Variants in PRR14L observed in about 807,000 individuals in gnomAD.
PRR14L encodes protein PRR14L.
PRR14L carries 80 observed loss-of-function variants against 155.0 expected under a neutral mutation model. The observed-to-expected ratio is 0.52, with a 90% CI of 0.43 to 0.62. The LOEUF (loss-of-function observed/expected upper bound fraction) is 0.62. Ranked by LOEUF, PRR14L falls within the 20% of genes least tolerant of loss-of-function variation. The pLI is 0.00. For missense variants in PRR14L, 2,469 were observed against 2,548.0 expected (o/e 0.97, Z 0.67); for synonymous variants, 883 against 916.0 (o/e 0.96, Z 0.65).
At chr22:31,724,549 T>G (rs1165011142) in intron 3 of PRR14L, among the ~76,000 whole-genome samples, 1 of 152,040 alleles carries the variant, frequency 6.6e-6, no homozygotes, top group African/African-American at 2.4e-5. Flanking sequence ...CACAGGTGTG[T>G]GTGCTGCCAT....
chr22:31,735,866 T>C (rs1443999494), intron 2 of PRR14L, among the ~76,000 whole-genome samples: 2 of 151,890 alleles, frequency 1.3e-5, no homozygotes, highest in African/African-American at 4.8e-5. Flanking sequence ...CTGACCAACA[T>C]GGTGAAACCC....
intron 2 of PRR14L, among the ~76,000 whole-genome samples, chr22:31,731,481 T>C (rs962458016): frequency 6.8e-6 from 1 of 147,060 alleles, no homozygotes; most frequent in African/African-American, 2.5e-5. Flanking sequence ...GGCAGGAGAA[T>C]TGCTTGAACC....
rs1353626087 is a variant in PRR14L, at chr22:31,683,413, A to G, written c.*2114T>C. 2 of 152,258 alleles carry G rather than the reference A, an allele frequency of 1.3e-5. No homozygotes were observed. Among genetic ancestry groups the G allele is most frequent in the Non-Finnish European group, 2.9e-5 (2 of 68,064 alleles). The allele number at this position is 152,258 out of a possible 1,614,324, so 9.4% of individuals were successfully genotyped here. ...CCTTAAACATGCCTGGACAAGGGCAAAATGTACTACTCATCCCACTCCCTT... is the reference window on the plus strand; with the variant it reads ...CCTTAAACATGCCTGGACAAGGGCAGAATGTACTACTCATCCCACTCCCTT... On this transcript the variant is annotated 3_prime_UTR_variant, in exon 9 of 9. Coordinates refer to ENST00000327423, the MANE Select transcript of PRR14L (RefSeq NM_173566.3).
intron 8 of PRR14L, among the ~76,000 whole-genome samples, chr22:31,686,250 C>A (rs2074481887): frequency 1.3e-5 from 2 of 151,478 alleles, no homozygotes; most frequent in Non-Finnish European, 2.9e-5. Flanking sequence ...AGGTGCCCAC[C>A]ACCACGCCCG....
At chr22:31,722,795 G>C (rs895940570) in intron 3 of PRR14L, among the ~76,000 whole-genome samples, 2 of 152,134 alleles carry the variant, frequency 1.3e-5, no homozygotes, top group African/African-American at 4.8e-5. Flanking sequence ...GCCTCCCAAA[G>C]TGCTGGGATT....
intron 7 of PRR14L, among the ~76,000 whole-genome samples, chr22:31,701,253 G>T (rs571413384): frequency 6.6e-6 from 1 of 152,304 alleles, no homozygotes; most frequent in South Asian, 2.1e-4. Flanking sequence ...CTCCCAAAGT[G>T]CTGGGGTTAC....
chr22:31,716,782 C>G lies in PRR14L; in HGVS notation c.1057G>C (p.Glu353Gln), dbSNP rs2074662817. The G allele has an allele frequency of 6.4e-6, 10 of 1,551,836 alleles. No individual in the cohort carries two copies. Among genetic ancestry groups the G allele is most frequent in the Non-Finnish European group, 7.8e-6 (9 of 1,147,026 alleles). The change falls in exon 4 of 9, where the codon GAA (glutamate) becomes CAA (glutamine). Residue 353 changes from glutamate to glutamine, a missense_variant. Transcript: ENST00000327423. ...TTTTCTAAGGATATTGTTCTGGATTCTGGACCAGACAAGTCTGATGTGAAA... is the reference window on the plus strand; with the variant it reads ...TTTTCTAAGGATATTGTTCTGGATTGTGGACCAGACAAGTCTGATGTGAAA... ...SCFTSDLSGP[E>Q]SRTISLENCG...
At chr22:31,709,525 C>T (rs1056853370) in intron 4 of PRR14L, among the ~76,000 whole-genome samples, 33 of 148,240 alleles carry the variant, frequency 2.2e-4, no homozygotes, top group Non-Finnish European at 3.7e-4. Flanking sequence ...CACCCAGACG[C>T]CTGTGGGGTT....
chr22:31,738,702 T>C lies in PRR14L; in HGVS notation c.159A>G (p.Ser53=), dbSNP rs1309322080. The C allele has an allele frequency of 1.3e-6, 2 of 1,551,882 alleles. No homozygotes were observed. The highest frequency in any genetic ancestry group is 1.7e-6 in the Non-Finnish European group (2 of 1,147,028). The change falls in exon 2 of 9, where the codon TCA becomes TCG. Residue 53 remains serine, a synonymous_variant. Coordinates refer to ENST00000327423, the MANE Select transcript of PRR14L (RefSeq NM_173566.3). ...SVIPDVKPGA[S]SSLLSQNRAL... ...CCCTATTCTGACTTAAAAGAGAGCT[T>C]GAGGCTCCAGGTTTTACATCTGGAA...
rs200279673 is a variant in PRR14L, at chr22:31,703,714, G to C, written c.5836C>G (p.Pro1946Ala). ...NTSGSQTRLE[P>A]PFPALVPKSC... is the part of the protein sequence containing the mutation. ...TTTGGTACCAAGGCAGGGAATGGAG[G>C]CTCCAGCCTAGCACCATGAAGAGAA... is the stretch of plus-strand genomic sequence containing the variant. The change falls in exon 6 of 9, where the codon CCT becomes GCT. Residue 1946 changes from proline to alanine, a missense_variant. Physicochemically the swap from Pro to Ala is conservative, Grantham distance 27 (BLOSUM62 -1). Coordinates refer to ENST00000327423, the MANE Select transcript of PRR14L (RefSeq NM_173566.3). The C allele has an allele frequency of 1.3e-5, 20 of 1,585,374 alleles. No homozygotes were observed. The highest frequency in any genetic ancestry group is 1.5e-5 in the Non-Finnish European group (17 of 1,164,828).
In PRR14L at chr22:31,716,790, G is replaced by C. The variant is rs2074662896; in HGVS notation, c.1049C>G (p.Ser350Cys). 6.4e-7 allele frequency: 1 copy of C among 1,551,822 alleles called. No homozygotes were observed. Among genetic ancestry groups the C allele is most frequent in the African/African-American group, 1.4e-5 (1 of 73,162 alleles). ...SEVSCFTSDL[S>C]GPESRTISLE... Reference sequence around the variant, plus strand: ...GGATATTGTTCTGGATTCTGGACCAGACAAGTCTGATGTGAAACATGAAAC... The same window carrying C: ...GGATATTGTTCTGGATTCTGGACCACACAAGTCTGATGTGAAACATGAAAC... Residue 350 changes from serine (S) to cysteine (C), a missense_variant, in exon 4 of 9, where the codon TCT becomes TGT. Physicochemically the swap from Ser to Cys is moderately radical, Grantham distance 112 (BLOSUM62 -1). This residue lies in a region of PRR14L where 2,363 missense variants were observed against 2,371.6 expected (regional missense o/e 1.00). Coordinates refer to ENST00000327423, the MANE Select transcript of PRR14L (RefSeq NM_173566.3).
At position 31,728,839 on chromosome 22, in the gene PRR14L, GA is replaced by G. The variant is rs1340778905; in HGVS notation, c.475-3230del. ...ACCCAGGTGGATCTACCATTATGGG[GA>G]AAAAAATATGTAAAAAGTTTAACAC... On this transcript the variant is annotated intron_variant, in intron 2 of 8. Transcript: ENST00000327423. Among the ~76,000 whole-genome samples the G allele has an allele frequency of 1.1e-4, 17 of 151,986 alleles. No individual in the cohort carries two copies. The East Asian group carries it at 1.2e-3, about 10-fold the overall frequency.
chr22:31,715,030 C>T lies in PRR14L; in HGVS notation c.2809G>A (p.Gly937Ser). 1.9e-6 allele frequency: 3 copies of T among 1,551,918 alleles called. No homozygotes were observed. The highest frequency in any genetic ancestry group is 2.6e-6 in the Non-Finnish European group (3 of 1,146,968). Residue 937 changes from glycine (G) to serine (S), a missense_variant, in exon 4 of 9, where the codon GGT (glycine) becomes AGT (serine). By Grantham distance (56) the Gly-to-Ser change is moderately conservative. Around this residue, in one of 2 missense-constraint regions of PRR14L, gnomAD observed 2,363 missense variants for 2,371.6 expected, o/e 1.00. Coordinates refer to ENST00000327423, the MANE Select transcript of PRR14L (RefSeq NM_173566.3). ...QELNQTVNIPGPEKVLDQSPT... is the reference protein window; with the variant it reads ...QELNQTVNIPSPEKVLDQSPT... ...GACTGGTCCAACACTTTTTCAGGACCTGGAATGTTTACAGTCTGGTTTAGT... is the reference window on the plus strand; with the variant it reads ...GACTGGTCCAACACTTTTTCAGGACTTGGAATGTTTACAGTCTGGTTTAGT...
intron 2 of PRR14L, among the ~76,000 whole-genome samples, chr22:31,736,238 T>C (rs2074780781): frequency 7.1e-6 from 1 of 140,978 alleles, no homozygotes; most frequent in African/African-American, 2.7e-5. Context: ...AAAAAAAAAT[T>C]AGCCGGGTGT....
At chr22:31,717,629 CATT>C (rs1198527534) in intron 3 of PRR14L, among the ~76,000 whole-genome samples, 1 of 152,116 alleles carries the variant, frequency 6.6e-6, no homozygotes, top group Non-Finnish European at 1.5e-5. Context: ...CATTTTAAAA[CATT>C]AATAAAGCAG....
chr22:31,725,184 CAGG>C (rs1269303284), intron 3 of PRR14L, among the ~76,000 whole-genome samples: 2 of 152,102 alleles, frequency 1.3e-5, no homozygotes, highest in Non-Finnish European at 2.9e-5. Context: ...CACTTGAGCC[CAGG>C]AGTTCGAGAC....
At chr22:31,726,642 G>A (rs1194970209) in intron 2 of PRR14L, among the ~76,000 whole-genome samples, 1 of 152,098 alleles carries the variant, frequency 6.6e-6, no homozygotes, top group Non-Finnish European at 1.5e-5. Context: ...CAGTTCTCAG[G>A]CTGAATGTTT....
At position 31,716,297 on chromosome 22, in the gene PRR14L, G is replaced by A; in HGVS notation, c.1542C>T (p.Ser514=). ...GGHSEESSFS[S]LMQIEEAGQT... is the part of the protein sequence containing the mutation. ...GTCCTGCCTCTTCAATCTGCATCAA[G>A]GAGGAAAAACTGCTTTCTTCAGAGT... Residue 514 remains serine, a synonymous_variant, in exon 4 of 9, where the codon TCC becomes TCT. Coordinates refer to ENST00000327423, the MANE Select transcript of PRR14L (RefSeq NM_173566.3). 6.4e-7 allele frequency: 1 copy of A among 1,551,656 alleles called. No homozygotes were observed. The highest frequency in any genetic ancestry group is 2.4e-5 in the East Asian group (1 of 40,922).
At chr22:31,701,414 G>A (rs1248873559) in intron 7 of PRR14L, among the ~76,000 whole-genome samples, 1 of 152,168 alleles carries the variant, frequency 6.6e-6, no homozygotes, top group Admixed American at 6.6e-5. Context: ...AATCACATGT[G>A]CCAGCATCAA....
Sources: allele counts gnomAD v4.1 joint callset (sites outside exome capture counted in the v4.1 genomes callset), GRCh38; gene constraint gnomAD v4.1.1; regional missense constraint gnomAD v4.1.1; transcripts MANE v1.5; gene names NCBI Gene and HGNC (gene_info 2026-07-23, HGNC 2026-07-21).